Variants in LINGO1 observed in about 807,000 individuals in gnomAD.
The protein encoded by LINGO1 is leucine-rich repeat and immunoglobulin-like domain-containing nogo receptor-interacting protein 1.
A neutral mutation model predicts 37.3 loss-of-function variants in LINGO1; 11 were observed. The observed-to-expected ratio is 0.29, with a 90% CI of 0.19 to 0.49. The LOEUF (loss-of-function observed/expected upper bound fraction) is 0.49, where lower values mean the gene tolerates loss of function less well. Ranked by LOEUF, LINGO1 falls within the 20% of genes least tolerant of loss-of-function variation. The probability of loss-of-function intolerance (pLI) is 0.99; values close to 1 mark genes in which losing one functional copy is unlikely to be tolerated. For synonymous variants in LINGO1, 387 were observed against 403.0 expected (o/e 0.96, Z 0.48); for missense variants, 585 against 878.2 (o/e 0.67, Z 4.22).
At chr15:77,791,026 T>C (rs2076814837), upstream of LINGO1, among the ~76,000 whole-genome samples, 1 of 152,200 alleles carries the variant, frequency 6.6e-6, no homozygotes, top group African/African-American at 2.4e-5. Context: ...TGCAGATTCC[T>C]GGGTTCTCCC....
At chr15:77,727,379 G>A (rs1023933744) in intron 2 of LINGO1, among the ~76,000 whole-genome samples, 5 of 152,178 alleles carry the variant, frequency 3.3e-5, no homozygotes, top group Admixed American at 3.3e-4. Flanking sequence ...AAAATGTGGT[G>A]TATACAGATG....
chr15:77,716,496 G>A (rs2075987079), intron 2 of LINGO1, among the ~76,000 whole-genome samples: 1 of 149,290 alleles, frequency 6.7e-6, no homozygotes, highest in African/African-American at 2.4e-5. Context: ...TAGGTGTATG[G>A]CTATGTACAC....
chr15:77,619,931 G>A (rs140706063), intron 1 of LINGO1, among the ~76,000 whole-genome samples: 93 of 152,252 alleles, frequency 6.1e-4, no homozygotes, highest in Non-Finnish European at 9.8e-4. Context: ...CGGTGGGGAA[G>A]CTGAAGGTTG....
In LINGO1 at chr15:77,702,002, T is replaced by C. The variant is rs564077917; in HGVS notation, c.-194-11101A>G. ...GCTGAGAGCTAGGACCCAAGCCACC[T>C]GGGGGCTGAGGCTAGTAGAGGGTGT... is the stretch of plus-strand genomic sequence containing the variant. On this transcript the variant is annotated intron_variant, in intron 2 of 3. Transcript: ENST00000561686. Among the ~76,000 whole-genome samples the C allele has an allele frequency of 7.9e-5, 12 of 152,268 alleles. No individual in the cohort carries two copies. In the South Asian group the frequency reaches 1.2e-3, roughly 16 times the overall value.
chr15:77,723,218 G>A (rs758649499), intron 2 of LINGO1, among the ~76,000 whole-genome samples: 4 of 148,974 alleles, frequency 2.7e-5, no homozygotes, highest in Admixed American at 6.7e-5. Context: ...AGCAGTGAGC[G>A]CGGCCTGAGG....
At chr15:77,702,588 T>C (rs945879786) in intron 2 of LINGO1, among the ~76,000 whole-genome samples, 1 of 152,204 alleles carries the variant, frequency 6.6e-6, no homozygotes, top group African/African-American at 2.4e-5. Context: ...GGTATCAGTA[T>C]TCTAATTCTC....
intron 1 of LINGO1, among the ~76,000 whole-genome samples, chr15:77,623,510 TG>T (rs2073987070): frequency 1.3e-5 from 2 of 152,170 alleles, no homozygotes; most frequent in Non-Finnish European, 2.9e-5. Flanking sequence ...CAGTCTAATT[TG>T]GGGGGCTGCC....
chr15:77,717,028 G>A (rs1046964594), intron 2 of LINGO1, among the ~76,000 whole-genome samples: 2 of 150,404 alleles, frequency 1.3e-5, no homozygotes, highest in African/African-American at 4.8e-5. Context: ...AGAGGAGAGA[G>A]ACCCAGGAGG....
At chr15:77,711,246 A>G (rs1596142533) in intron 2 of LINGO1, among the ~76,000 whole-genome samples, 1 of 152,164 alleles carries the variant, frequency 6.6e-6, no homozygotes, top group East Asian at 1.9e-4. Context: ...TTCTTGCCCT[A>G]TGTTCCACTG....
At chr15:77,730,643 G>C (rs1432714856) in intron 2 of LINGO1, among the ~76,000 whole-genome samples, 1 of 152,218 alleles carries the variant, frequency 6.6e-6, no homozygotes, top group Non-Finnish European at 1.5e-5. Context: ...CATCAACCTG[G>C]GGGAGACACA....
chr15:77,615,205 G>A lies in LINGO1; in HGVS notation c.702C>T (p.Ser234=). 1 of 1,613,808 alleles carries A rather than the reference G, an allele frequency of 6.2e-7. No individual in the cohort carries two copies. Among genetic ancestry groups the A allele is most frequent in the South Asian group, 1.1e-5 (1 of 91,086 alleles). Reference sequence around the variant, plus strand: ...CCTTGAGTCGGTACAGCCTCTTGAAGGAGTAGTCCCGGATGGCATTGATGT... The same window carrying A: ...CCTTGAGTCGGTACAGCCTCTTGAAAGAGTAGTCCCGGATGGCATTGATGT... ...HLNINAIRDY[S]FKRLYRLKVL... The change falls in exon 2 of 2, where the codon TCC becomes TCT. Residue 234 remains serine (S), a synonymous_variant. Coordinates refer to ENST00000355300, the MANE Select transcript of LINGO1 (RefSeq NM_032808.7).
At chr15:77,765,425 A>C (rs993222507) in intron 1 of LINGO1, among the ~76,000 whole-genome samples, 24 of 152,036 alleles carry the variant, frequency 1.6e-4, no homozygotes, top group Non-Finnish European at 2.8e-4. Context: ...AAAAAAAAAA[A>C]AAAACCAGAA....
At chr15:77,772,566 A>T (rs928187429) in intron 1 of LINGO1, among the ~76,000 whole-genome samples, 3 of 151,948 alleles carry the variant, frequency 2.0e-5, no homozygotes, top group African/African-American at 7.3e-5. Flanking sequence ...AAATCCATAG[A>T]CTCGGCTGGG....
intron 3 of LINGO1, among the ~76,000 whole-genome samples, chr15:77,657,636 C>T (rs183423958): frequency 2.0e-5 from 3 of 152,266 alleles, no homozygotes; most frequent in East Asian, 1.9e-4. Context: ...GGGGTAAAGC[C>T]GGGCCCAGAA....
chr15:77,794,339 C>T (rs377572067), intron 2 of LINGO1, among the ~76,000 whole-genome samples: 22 of 101,494 alleles, frequency 2.2e-4, no homozygotes, highest in African/African-American at 4.3e-4. Context: ...TATGTATATA[C>T]ATACATATAT....
At chr15:77,645,201 C>A (rs1337168359) in intron 3 of LINGO1, among the ~76,000 whole-genome samples, 2 of 152,196 alleles carry the variant, frequency 1.3e-5, no homozygotes, top group Admixed American at 6.5e-5. Flanking sequence ...GTGCAGGGAG[C>A]AGTGCCCATC....
intron 1 of LINGO1, among the ~76,000 whole-genome samples, chr15:77,813,548 G>A (rs2077023924): frequency 6.6e-6 from 1 of 152,174 alleles, no homozygotes; most frequent in Non-Finnish European, 1.5e-5. Context: ...CAGGCTGCAT[G>A]CCCCAAGAGG....
Position 77,632,211 on chromosome 15 carries a change from T to A in LINGO1, c.6+99A>T. On this transcript the variant is annotated intron_variant, in intron 1 of 1. Transcript: ENST00000355300. The surrounding 1 kb of genome is among the most constrained non-coding windows in gnomAD (Gnocchi z 6.0). ...AGGTCTGGGTGGCACCGAGGTGCCC[T>A]GCAACCCCAGGAGGGCGCAGCCAGG... 3 of 1,232,126 alleles carry A rather than the reference T, an allele frequency of 2.4e-6. No individual in the cohort carries two copies. Among genetic ancestry groups the A allele is most frequent in the Non-Finnish European group, 3.1e-6 (3 of 974,774 alleles). The allele number at this position is 1,232,126 out of a possible 1,614,324, so 76.3% of individuals were successfully genotyped here.
chr15:77,648,550 TA>T (rs1370759125), intron 3 of LINGO1: 1 of 152,412 alleles, frequency 6.6e-6, no homozygotes, highest in East Asian at 1.9e-4. Context: ...AAGAGAACTT[TA>T]AACAGCAGTT....
Sources: gnomAD v4.1 joint callset for allele counts (sites outside exome capture counted in the v4.1 genomes callset) on GRCh38, gnomAD v4.1.1 for gene constraint, Gnocchi (gnomAD v3.1) non-coding constraint, MANE v1.5 for transcripts, NCBI Gene and HGNC (gene_info 2026-07-23, HGNC 2026-07-21) for gene names.